Variants in KCNH5 observed in about 807,000 individuals in gnomAD.
KCNH5 encodes potassium voltage-gated channel subfamily H member 5, also known as voltage-gated delayed rectifier potassium channel KCNH5.
A neutral mutation model predicts 96.1 loss-of-function variants in KCNH5; 46 were observed. The ratio of observed to expected loss-of-function variants is 0.48; its 90% CI spans 0.38 to 0.61. The LOEUF (loss-of-function observed/expected upper bound fraction) is 0.61. Among genes scored for constraint, KCNH5 ranks in the 20% least tolerant of loss-of-function variants. KCNH5 has a pLI of 0.00. For synonymous variants in KCNH5, 439 were observed against 449.8 expected (o/e 0.98, Z 0.30); for missense variants, 907 against 1,225.8 (o/e 0.74, Z 3.88).
intron 10 of KCNH5, among the ~76,000 whole-genome samples, chr14:62,718,924 A>T (rs1595592606): frequency 6.6e-6 from 1 of 152,350 alleles, no homozygotes; most frequent in East Asian, 1.9e-4. Flanking sequence ...AACCTGGAAA[A>T]CATCATGCTA....
chr14:62,845,194 A>T (rs1039516370), intron 8 of KCNH5, among the ~76,000 whole-genome samples: 7 of 152,274 alleles, frequency 4.6e-5, no homozygotes, highest in African/African-American at 1.7e-4. Flanking sequence ...GAGGAACAGG[A>T]AGTCTAACAG....
intron 10 of KCNH5, among the ~76,000 whole-genome samples, chr14:62,753,340 A>G (rs1381308456): frequency 6.6e-6 from 1 of 152,160 alleles, no homozygotes; most frequent in African/African-American, 2.4e-5. Context: ...AAACATGACT[A>G]AAGTTCTGGA....
chr14:62,781,753 T>C (rs1385785308), intron 9 of KCNH5, among the ~76,000 whole-genome samples: 3 of 152,224 alleles, frequency 2.0e-5, no homozygotes, highest in Non-Finnish European at 4.4e-5. Context: ...CTGTTCTTTT[T>C]TCAAGGTGCC....
chr14:62,985,579 C>A (rs1890688424), intron 5 of KCNH5, among the ~76,000 whole-genome samples: 1 of 152,118 alleles, frequency 6.6e-6, no homozygotes, highest in Non-Finnish European at 1.5e-5. Flanking sequence ...GCTTAATGAG[C>A]TTTTTGGCAT....
chr14:62,797,081 C>T (rs776119246), intron 9 of KCNH5, among the ~76,000 whole-genome samples: 1 of 151,652 alleles, frequency 6.6e-6, no homozygotes, highest in Non-Finnish European at 1.5e-5. Flanking sequence ...ACACCCAGGA[C>T]CAAAATTTTA....
intron 10 of KCNH5, chr14:62,712,631 G>A (rs1021304358): frequency 7.8e-6 from 6 of 767,432 alleles, no homozygotes; most frequent in Admixed American, 1.8e-5. Flanking sequence ...AACTCGGATA[G>A]ATGAATGGGT....
chr14:62,915,155 T>A (rs1436272389), intron 7 of KCNH5, among the ~76,000 whole-genome samples: 8 of 152,236 alleles, frequency 5.3e-5, no homozygotes, highest in Non-Finnish European at 1.0e-4. Flanking sequence ...CTGGCCAAAC[T>A]CATGTGAGAT....
chr14:62,961,878 AG>A, intron 6 of KCNH5, among the ~76,000 whole-genome samples: 1 of 151,868 alleles, frequency 6.6e-6, no homozygotes, highest in South Asian at 2.1e-4. Flanking sequence ...ATGCAAATGC[AG>A]AAGGAGATGG....
intron 7 of KCNH5, among the ~76,000 whole-genome samples, chr14:62,888,531 A>G (rs1412031480): frequency 6.6e-6 from 1 of 152,110 alleles, no homozygotes; most frequent in Non-Finnish European, 1.5e-5. Flanking sequence ...CAGCAATAAG[A>G]TCTATATTTT....
chr14:62,775,489 C>T (rs374649450), intron 10 of KCNH5, among the ~76,000 whole-genome samples: 4 of 152,324 alleles, frequency 2.6e-5, no homozygotes, highest in African/African-American at 9.6e-5. Flanking sequence ...AGCCCAGCAT[C>T]CCCACAAGGC....
At chr14:62,945,516 T>C (rs1438392672) in intron 7 of KCNH5, among the ~76,000 whole-genome samples, 4 of 152,164 alleles carry the variant, frequency 2.6e-5, no homozygotes, top group Non-Finnish European at 5.9e-5. Context: ...TCTTAAGAAT[T>C]GTTTAGATAC....
chr14:62,827,308 G>A (rs1447613842), intron 8 of KCNH5, among the ~76,000 whole-genome samples: 1 of 152,096 alleles, frequency 6.6e-6, no homozygotes, highest in Non-Finnish European at 1.5e-5. Flanking sequence ...TGTGAGCCAG[G>A]AGCATTGGCA....
intron 8 of KCNH5, among the ~76,000 whole-genome samples, chr14:62,838,435 C>G (rs1330974250): frequency 2.0e-5 from 3 of 152,154 alleles, no homozygotes; most frequent in Non-Finnish European, 4.4e-5. Context: ...ATAAGCCCAT[C>G]ATGCCCCATC....
intron 10 of KCNH5, among the ~76,000 whole-genome samples, chr14:62,758,204 G>A (rs1029306657): frequency 6.6e-6 from 1 of 151,796 alleles, no homozygotes; most frequent in South Asian, 2.1e-4. Context: ...GGCACAACAG[G>A]GTGACTATAG....
chr14:62,959,013 T>C (rs971085175), intron 6 of KCNH5, among the ~76,000 whole-genome samples: 2 of 152,056 alleles, frequency 1.3e-5, no homozygotes, highest in Admixed American at 1.3e-4. Flanking sequence ...CTCACCCTCC[T>C]AAATCAGCTA....
At chr14:63,010,868 T>A (rs1468035451) in intron 2 of KCNH5, among the ~76,000 whole-genome samples, 1 of 152,306 alleles carries the variant, frequency 6.6e-6, no homozygotes, top group Non-Finnish European at 1.5e-5. Flanking sequence ...AAACATAACC[T>A]ATTCATGAGT....
intron 8 of KCNH5, among the ~76,000 whole-genome samples, chr14:62,811,759 A>C (rs1387753): frequency 1.3e-4 from 20 of 151,876 alleles, no homozygotes; most frequent in Non-Finnish European, 2.2e-4. Flanking sequence ...ATAAATTAGA[A>C]ATAAGCAGAA....
intron 7 of KCNH5, among the ~76,000 whole-genome samples, chr14:62,863,191 A>G (rs187649582): frequency 6.6e-6 from 1 of 152,300 alleles, no homozygotes; most frequent in Non-Finnish European, 1.5e-5. Flanking sequence ...ACATCTCTCT[A>G]TAATTGACAG....
At chr14:63,004,898 C>T (rs1891097170) in intron 3 of KCNH5, among the ~76,000 whole-genome samples, 1 of 152,128 alleles carries the variant, frequency 6.6e-6, no homozygotes, top group Admixed American at 6.5e-5. Context: ...GTTTATTTTG[C>T]TTAAATGTCA....
Sources: allele counts gnomAD v4.1 joint callset (sites outside exome capture counted in the v4.1 genomes callset), GRCh38; gene constraint gnomAD v4.1.1; transcripts MANE v1.5; gene names NCBI Gene and HGNC (gene_info 2026-07-23, HGNC 2026-07-21).